DMD: variants seen among roughly 807,000 people sequenced by gnomAD.
DMD encodes mutant dystrophin.
In DMD, 63 loss-of-function variants were observed where a neutral mutation model predicts 330.1. The observed-to-expected ratio is 0.19, with a 90% CI of 0.16 to 0.24. The LOEUF (loss-of-function observed/expected upper bound fraction) is 0.24. Among genes scored for constraint, DMD ranks in the 10% least tolerant of loss-of-function variants. The probability of loss-of-function intolerance (pLI) is 1.00; values close to 1 mark genes in which losing one functional copy is unlikely to be tolerated. For synonymous variants in DMD, 1,223 were observed against 959.8 expected (o/e 1.27, Z -5.07); for missense variants, 3,344 against 2,684.1 (o/e 1.25, Z -5.43).
intron 2 of DMD, among the ~76,000 whole-genome samples, chrX:32,967,644 C>A (rs1311830911): frequency 1.8e-5 from 2 of 111,276 alleles, no homozygotes; most frequent in East Asian, 2.8e-4. Context: ...AAAATGGGAG[C>A]GCTGAAAGGG....
At chrX:33,249,835 G>A (rs1010405383) in intron 1 of DMD, among the ~76,000 whole-genome samples, 1 of 109,629 alleles carries the variant, frequency 9.1e-6, no homozygotes, top group Non-Finnish European at 1.9e-5. Context: ...CAATATGTTT[G>A]GCTTTATGGA....
intron 21 of DMD, among the ~76,000 whole-genome samples, chrX:32,476,932 A>G (rs1216757570): frequency 9.0e-6 from 1 of 111,446 alleles, no homozygotes; most frequent in African/African-American, 3.3e-5. Flanking sequence ...ACTGACAGCA[A>G]TAAGACAATA....
intron 71 of DMD, among the ~76,000 whole-genome samples, chrX:31,177,296 T>C (rs1010978283): frequency 1.8e-5 from 2 of 111,620 alleles, no homozygotes; most frequent in Middle Eastern, 4.6e-3. Context: ...CTAGAGCAAA[T>C]GTATAATTGT....
At chrX:33,258,370 C>G (rs1042985860) in intron 1 of DMD, among the ~76,000 whole-genome samples, 1 of 111,179 alleles carries the variant, frequency 9.0e-6, no homozygotes, top group African/African-American at 3.2e-5. Flanking sequence ...TATTTTCACA[C>G]AGTTACCTGA....
chrX:32,414,699 A>T (rs769005798), intron 29 of DMD, among the ~76,000 whole-genome samples: 1 of 112,324 alleles, frequency 8.9e-6, no homozygotes, highest in African/African-American at 3.2e-5. Flanking sequence ...AAGAAATTGT[A>T]AACAAAGGTC....
chrX:33,134,482 A>G (rs1481310496), intron 1 of DMD, among the ~76,000 whole-genome samples: 1 of 112,218 alleles, frequency 8.9e-6, no homozygotes, highest in African/African-American at 3.2e-5. Context: ...TCTGCTTAAC[A>G]CTTGGCCCTG....
chrX:31,837,352 G>A (rs1393912876), intron 48 of DMD, among the ~76,000 whole-genome samples: 1 of 111,508 alleles, frequency 9.0e-6, no homozygotes, highest in African/African-American at 3.3e-5. Flanking sequence ...GAGTCAAACA[G>A]GCCTTCTGAA....
At chrX:32,539,182 T>A (rs1418789325) in intron 17 of DMD, among the ~76,000 whole-genome samples, 1 of 110,289 alleles carries the variant, frequency 9.1e-6, no homozygotes, top group Admixed American at 9.7e-5. Flanking sequence ...CTTTTTTTTT[T>A]TTTTTTAACA....
intron 50 of DMD, among the ~76,000 whole-genome samples, chrX:31,796,779 T>C (rs2091851356): frequency 1.8e-5 from 2 of 111,866 alleles, no homozygotes; most frequent in South Asian, 7.6e-4. Context: ...CCTTCTTGAA[T>C]GGCTTAATGC....
intron 6 of DMD, among the ~76,000 whole-genome samples, chrX:32,815,516 T>TACACACAC (rs1231062329): frequency 3.4e-3 from 162 of 47,294 alleles, no homozygotes; most frequent in African/African-American, 0.012. Context: ...TATATATATA[T>TACACACAC]ATATACACAC....
intron 78 of DMD, among the ~76,000 whole-genome samples, chrX:31,125,262 G>A (rs908626358): frequency 4.5e-5 from 5 of 111,834 alleles, no homozygotes; most frequent in African/African-American, 9.7e-5. Flanking sequence ...CAGGCAAACC[G>A]TCAGGGGCAT....
chrX:32,971,793 A>G (rs2092392527), intron 2 of DMD, among the ~76,000 whole-genome samples: 1 of 111,010 alleles, frequency 9.0e-6, no homozygotes, highest in Admixed American at 9.6e-5. Flanking sequence ...ACACATCCAT[A>G]TATATTTAAC....
chrX:33,213,337 C>A (rs1328488503), upstream of DMD, among the ~76,000 whole-genome samples: 2 of 111,780 alleles, frequency 1.8e-5, no homozygotes, highest in African/African-American at 6.5e-5. Context: ...TTATTTGGCA[C>A]CTATAATGAT....
rs142768641 is a variant in DMD at position 32,367,764 on chromosome X, T to A, written c.4846-2565A>T. ...GAAATGTGGACTAATTTCTAGTGCC[T>A]TCTTAAGTTCCACAAAATTATAAAT... On this transcript the variant is annotated intron_variant, in intron 34 of 78. Coordinates refer to ENST00000357033, the MANE Select transcript of DMD (RefSeq NM_004006.3). Among the ~76,000 whole-genome samples, 7 of 112,088 alleles carry A rather than the reference T, an allele frequency of 6.2e-5. 1 individual carries two copies. The highest frequency in any genetic ancestry group is 2.3e-4 in the African/African-American group (7 of 30,996).
chrX:31,728,226 C>T (rs1478712287), intron 52 of DMD, among the ~76,000 whole-genome samples: 1 of 111,565 alleles, frequency 9.0e-6, no homozygotes, highest in African/African-American at 3.3e-5. Context: ...GGGGTTTCAC[C>T]GTGTTAGCCA....
chrX:32,944,973 A>G (rs985289665), intron 2 of DMD, among the ~76,000 whole-genome samples: 5 of 111,269 alleles, frequency 4.5e-5, no homozygotes, highest in Non-Finnish European at 9.4e-5. Flanking sequence ...GGTTTTCAAC[A>G]TTTTCTATTA....
At chrX:31,514,104 C>A (rs2071938935) in intron 55 of DMD, among the ~76,000 whole-genome samples, 1 of 111,664 alleles carries the variant, frequency 9.0e-6, no homozygotes, top group Non-Finnish European at 1.9e-5. Flanking sequence ...TGTCAGCACA[C>A]AAAGAGCAAT....
intron 2 of DMD, among the ~76,000 whole-genome samples, chrX:33,007,988 A>C (rs945866754): frequency 4.5e-5 from 5 of 111,293 alleles, no homozygotes; most frequent in Non-Finnish European, 9.5e-5. Flanking sequence ...ATTCATCTGC[A>C]ACTCTCATTT....
chrX:31,362,342 C>G (rs1330221369), intron 60 of DMD, among the ~76,000 whole-genome samples: 2 of 111,994 alleles, frequency 1.8e-5, no homozygotes, highest in African/African-American at 6.5e-5. Context: ...AATTTCACAC[C>G]TGACCTCATG....
Sources: allele counts gnomAD v4.1 joint callset (sites outside exome capture counted in the v4.1 genomes callset), GRCh38; gene constraint gnomAD v4.1.1; transcripts MANE v1.5; gene names NCBI Gene and HGNC (gene_info 2026-07-23, HGNC 2026-07-21).